Variants in CUX2 observed in about 807,000 individuals in gnomAD.
The protein encoded by CUX2 is homeobox protein cut-like 2.
In CUX2, 40 loss-of-function variants were observed where a neutral mutation model predicts 144.8. That is an observed-to-expected ratio of 0.28 (90% CI 0.21 to 0.36). The LOEUF (loss-of-function observed/expected upper bound fraction) is 0.36, where lower values mean the gene tolerates loss of function less well. Ranked by LOEUF, CUX2 falls within the 10% of genes least tolerant of loss-of-function variation. The probability of loss-of-function intolerance (pLI) is 1.00; values close to 1 mark genes in which losing one functional copy is unlikely to be tolerated. For missense variants in CUX2, 1,615 were observed against 1,994.0 expected (o/e 0.81, Z 3.62); for synonymous variants, 827 against 875.6 (o/e 0.94, Z 0.98).
At chr12:111,143,028 G>A (rs1876434170) in intron 1 of CUX2, among the ~76,000 whole-genome samples, 1 of 152,182 alleles carries the variant, frequency 6.6e-6, no homozygotes, top group African/African-American at 2.4e-5. Context: ...ATCAAAAAAG[G>A]ACTTCCTCCT....
At position 111,293,296 on chromosome 12, in the gene CUX2, G is replaced by A. The variant is rs1421531055; in HGVS notation, c.437-150G>A. On this transcript the variant is annotated intron_variant, in intron 5 of 21. Coordinates refer to ENST00000261726, the MANE Select transcript of CUX2 (RefSeq NM_015267.4). The surrounding 1 kb of genome is among the most constrained non-coding windows in gnomAD (Gnocchi z 4.5). ...AATGACCTGTGTGCTGAGGACATGC[G>A]GCCCGCAGGGCCCCACAGCTGCGCT... 4 of 1,208,700 alleles carry A rather than the reference G, an allele frequency of 3.3e-6. No individual in the cohort carries two copies. The highest frequency in any genetic ancestry group is 3.2e-5 in the Admixed American group (1 of 31,300). The allele number at this position is 1,208,700 out of a possible 1,614,324, so 74.9% of individuals were successfully genotyped here. A position where few individuals can be genotyped will look rare whatever the true frequency, so the allele number is the denominator to read the frequency against.
intron 9 of CUX2, among the ~76,000 whole-genome samples, chr12:111,298,965 C>T (rs1427814275): frequency 6.6e-6 from 1 of 152,236 alleles, no homozygotes; most frequent in Non-Finnish European, 1.5e-5. Context: ...GGCATGGATT[C>T]TAAGTGGGGC....
intron 1 of CUX2, among the ~76,000 whole-genome samples, chr12:111,095,818 C>G (rs1406006189): frequency 6.6e-6 from 1 of 152,232 alleles, no homozygotes; most frequent in Non-Finnish European, 1.5e-5. Flanking sequence ...TCCATTTTGT[C>G]TGCTTCAGAC....
At chr12:111,162,630 T>C (rs1877852157) in intron 1 of CUX2, among the ~76,000 whole-genome samples, 1 of 152,250 alleles carries the variant, frequency 6.6e-6, no homozygotes, top group South Asian at 2.1e-4. Context: ...ACTACTTGTT[T>C]TAGCAAGTGC....
At chr12:111,144,255 A>G (rs1301366357) in intron 1 of CUX2, among the ~76,000 whole-genome samples, 1 of 152,178 alleles carries the variant, frequency 6.6e-6, no homozygotes, top group Non-Finnish European at 1.5e-5. Context: ...CTGGTTTCCC[A>G]TTGGGCATGA....
chr12:111,162,182 C>T (rs2136152632), intron 1 of CUX2, among the ~76,000 whole-genome samples: 1 of 152,332 alleles, frequency 6.6e-6, no homozygotes, highest in South Asian at 2.1e-4. Flanking sequence ...GGTGTGAAGC[C>T]CTGAACTCTC....
At chr12:111,095,745 T>A (rs1872776659) in intron 1 of CUX2, among the ~76,000 whole-genome samples, 1 of 152,164 alleles carries the variant, frequency 6.6e-6, no homozygotes, top group African/African-American at 2.4e-5. Context: ...ATTGTATTGA[T>A]CAATATTACC....
intron 3 of CUX2, among the ~76,000 whole-genome samples, chr12:111,259,477 C>A (rs1187416453): frequency 6.6e-6 from 1 of 152,120 alleles, no homozygotes; most frequent in Admixed American, 6.6e-5. Context: ...CCAAAGATTG[C>A]CAACCATTGA....
chr12:111,083,208 C>T (rs1474055234), intron 1 of CUX2, among the ~76,000 whole-genome samples: 1 of 152,120 alleles, frequency 6.6e-6, no homozygotes, highest in African/African-American at 2.4e-5. Context: ...GAGAGATGAG[C>T]AGGGTGACCA....
intron 1 of CUX2, among the ~76,000 whole-genome samples, chr12:111,069,533 T>TGTGTGTGTGTGTGTGCGCGCGCGC (rs1555266236): frequency 1.4e-5 from 2 of 148,138 alleles, no homozygotes; most frequent in South Asian, 4.4e-4. Flanking sequence ...TGTGTGTGTG[T>TGTGTGTGTGTGTGTGCGCGCGCGC]GTGTGTGTGT....
rs1327702853 is a variant in CUX2, at chr12:111,334,645, C to T, written c.3131C>T (p.Ser1044Phe). The change falls in exon 19 of 22, where the codon TCC becomes TTC. Residue 1044 changes from serine to phenylalanine, a missense_variant. Ser to Phe is a radical substitution (Grantham distance 155). Coordinates refer to ENST00000261726, the MANE Select transcript of CUX2 (RefSeq NM_015267.4). The stretch of plus-strand genomic sequence containing the variant: ...GGCATCCAGGAGATCGTGGCCATGT[C>T]CCCCGAGCTGGACACGTACTCCATC... ...PGGIQEIVAM[S>F]PELDTYSITK... 3 of 1,613,986 alleles carry T rather than the reference C, an allele frequency of 1.9e-6. No homozygotes were observed. The highest frequency in any genetic ancestry group is 2.2e-5 in the East Asian group (1 of 44,872).
chr12:111,308,191 G>A, intron 12 of CUX2, 94 bp from the exon 13 acceptor site: 2 of 1,373,084 alleles, frequency 1.5e-6, no homozygotes, highest in South Asian at 1.2e-5. Context: ...AGCAGTCATT[G>A]TCAGGGAGGT....
At position 111,339,229 on chromosome 12, in the gene CUX2, C is replaced by CAA. The variant is rs566439866; in HGVS notation, c.3385+765_3385+766dup. Among the ~76,000 whole-genome samples, 59 of 142,448 alleles carry CAA rather than the reference C, an allele frequency of 4.1e-4. 1 individual carries two copies. The East Asian group carries it at 4.9e-3, about 12-fold the overall frequency. 93.5% of individuals were successfully genotyped at this position (142,448 alleles called of 152,430 possible). On this transcript the variant is annotated intron_variant, in intron 20 of 21. Transcript: ENST00000261726. ...CCTGGGCGACAGAACGACTCTGTCT[C>CAA]AAAAAAAAAAAGAAAGAAACAAAAG... is the stretch of plus-strand genomic sequence containing the variant.
chr12:111,230,176 AGGGAGGGAAGGAAGCAGGAGAGGGG>A (rs1364715033), intron 3 of CUX2, among the ~76,000 whole-genome samples: 1 of 109,646 alleles, frequency 9.1e-6, no homozygotes, highest in Non-Finnish European at 1.8e-5. Context: ...ACAGAGAAGG[AGGGAGGGAAGGAAGCAGGAGAGGGG>A]GGGAGGGGAG....
chr12:111,100,201 G>A, intron 1 of CUX2: 2 of 341,842 alleles, frequency 5.9e-6, no homozygotes, highest in East Asian at 8.3e-5. Flanking sequence ...GTGTGTGTGT[G>A]TATGTGTGTG....
In CUX2 at chr12:111,160,802, G is replaced by A. The variant is rs1592951998; in HGVS notation, c.64-53398G>A. Among the ~76,000 whole-genome samples, 2 of 152,116 alleles carry A rather than the reference G, an allele frequency of 1.3e-5. No homozygotes were observed. Among genetic ancestry groups the A allele is most frequent in the Non-Finnish European group, 2.9e-5 (2 of 67,996 alleles). On this transcript the variant is annotated intron_variant, in intron 1 of 21. Coordinates refer to ENST00000261726, the MANE Select transcript of CUX2 (RefSeq NM_015267.4). This position sits in a 1 kb window ranked among gnomAD's most constrained non-coding sequence, Gnocchi z 4.1. ...TAGGAGTGGGGCTGATGGGGCTTGCGGTGATGATGTAATGTGTCGGGATGG... is the reference window on the plus strand; with the variant it reads ...TAGGAGTGGGGCTGATGGGGCTTGCAGTGATGATGTAATGTGTCGGGATGG...
intron 16 of CUX2, among the ~76,000 whole-genome samples, chr12:111,316,143 T>TA (rs1887180028): frequency 1.6e-5 from 1 of 63,266 alleles, no homozygotes; most frequent in African/African-American, 4.0e-4. Context: ...AAAATTAAGC[T>TA]TTTTTTTTTT....
chr12:111,338,110 C>A (rs528353355), intron 19 of CUX2, among the ~76,000 whole-genome samples, 176 bp from the exon 20 acceptor site: 5 of 152,308 alleles, frequency 3.3e-5, no homozygotes, highest in East Asian at 3.9e-4. Flanking sequence ...ACAGACAGAC[C>A]CCCCTCGGCT....
intron 18 of CUX2, among the ~76,000 whole-genome samples, chr12:111,331,208 A>T (rs1888107302): frequency 1.3e-5 from 2 of 152,184 alleles, no homozygotes; most frequent in South Asian, 4.2e-4. Flanking sequence ...TCTGGAGCAT[A>T]GGAGTGGTCT....
Sources: gnomAD v4.1 joint callset for allele counts (sites outside exome capture counted in the v4.1 genomes callset) on GRCh38, gnomAD v4.1.1 for gene constraint, Gnocchi (gnomAD v3.1) non-coding constraint, MANE v1.5 for transcripts, NCBI Gene and HGNC (gene_info 2026-07-23, HGNC 2026-07-21) for gene names.